SLC25A43: variants seen among roughly 807,000 people sequenced by gnomAD.
SLC25A43 encodes solute carrier family 25, member 43.
A neutral mutation model predicts 22.8 loss-of-function variants in SLC25A43; 10 were observed. The ratio of observed to expected loss-of-function variants is 0.44; its 90% CI spans 0.27 to 0.74. The LOEUF (loss-of-function observed/expected upper bound fraction) is 0.74. SLC25A43 is among the 30% of genes least tolerant of loss of function. SLC25A43 has a pLI of 0.17. For synonymous variants in SLC25A43, 106 were observed against 121.6 expected, an observed-to-expected ratio of 0.87 and a Z score of 0.84; for missense variants, 233 against 279.1, an observed-to-expected ratio of 0.83 and a Z score of 1.18.
chrX:119,423,977 G>A (rs1412159731), intron 3 of SLC25A43: 5 of 110,393 alleles, frequency 4.5e-5, no homozygotes, highest in African/African-American at 1.6e-4. Flanking sequence ...CACTTTCGGA[G>A]GCCGAGGCAG....
At chrX:119,425,042 G>A (rs5910576) in intron 3 of SLC25A43, among the ~76,000 whole-genome samples, 21,836 of 102,310 alleles carry the variant, frequency 0.21, 1,629 homozygotes, top group African/African-American at 0.26. Context: ...GCCAGGGAAT[G>A]GTTAACTCAA....
chrX:119,446,173 A>G (rs1192590840), intron 3 of SLC25A43, among the ~76,000 whole-genome samples: 2 of 108,087 alleles, frequency 1.9e-5, no homozygotes, highest in Admixed American at 1.0e-4. Context: ...AAAAAAAAAA[A>G]AAAAAGAAAG....
At chrX:119,420,704 G>C (rs1398550930) in intron 3 of SLC25A43, among the ~76,000 whole-genome samples, 5 of 112,153 alleles carry the variant, frequency 4.5e-5, no homozygotes. Context: ...TTGTTGCACA[G>C]AGGCCCTTTA....
chrX:119,406,705 A>G lies in SLC25A43; in HGVS notation c.517+4A>G. ...GGGGTTTCCCTCACTGTTGTAGGTAAGATGGACCTTTTCACCTTGTCCAAG... is the reference window on the plus strand; with the variant it reads ...GGGGTTTCCCTCACTGTTGTAGGTAGGATGGACCTTTTCACCTTGTCCAAG... On this transcript the variant is annotated splice_donor_region_variant and intron_variant, in intron 2 of 4. Transcript: ENST00000217909. 1.7e-6 allele frequency: 2 copies of G among 1,208,529 alleles called. No homozygotes were observed. Among genetic ancestry groups the G allele is most frequent in the Non-Finnish European group, 2.2e-6 (2 of 893,423 alleles).
At chrX:119,431,552 AAAG>A (rs2052552492) in intron 3 of SLC25A43, among the ~76,000 whole-genome samples, 1 of 111,666 alleles carries the variant, frequency 9.0e-6, no homozygotes, top group Non-Finnish European at 1.9e-5. Context: ...AGAGGAAAAA[AAAG>A]AAAGAAAGAA....
At chrX:119,416,994 G>A (rs181571201) in intron 3 of SLC25A43, among the ~76,000 whole-genome samples, 1 of 111,788 alleles carries the variant, frequency 8.9e-6, no homozygotes, top group Non-Finnish European at 1.9e-5. Flanking sequence ...TCACTGCCAG[G>A]GGCATCTCTC....
chrX:119,426,384 C>T (rs761292505), intron 3 of SLC25A43: 5 of 263,617 alleles, frequency 1.9e-5, no homozygotes, highest in African/African-American at 3.0e-5. Context: ...CATCTACTTG[C>T]AGCAAAGACT....
At chrX:119,426,293 C>T (rs966486873) in intron 3 of SLC25A43, 56 of 721,767 alleles carry the variant, frequency 7.8e-5, no homozygotes, top group Non-Finnish European at 7.7e-5. Flanking sequence ...CACTTACTCC[C>T]GCGTGAACTT....
At chrX:119,417,599 T>C (rs1466952657) in intron 3 of SLC25A43, among the ~76,000 whole-genome samples, 1 of 110,705 alleles carries the variant, frequency 9.0e-6, no homozygotes, top group African/African-American at 3.3e-5. Flanking sequence ...CTACACCATC[T>C]GCATTCTATA....
chrX:119,406,713 C>A lies in SLC25A43; in HGVS notation c.517+12C>A, dbSNP rs1054717254. 4.2e-6 allele frequency: 5 copies of A among 1,204,652 alleles called. No individual in the cohort carries two copies. In the African/African-American group the frequency reaches 8.7e-5, roughly 21 times the overall value. On this transcript the variant is annotated intron_variant, in intron 2 of 4. Transcript: ENST00000217909. ...CCTCACTGTTGTAGGTAAGATGGAC[C>A]TTTTCACCTTGTCCAAGAAAAGGCT... is the stretch of plus-strand genomic sequence containing the variant.
chrX:119,452,248 T>C, intron 4 of SLC25A43, 105 bp downstream of exon 4: 1 of 925,639 alleles, frequency 1.1e-6, no homozygotes, highest in African/African-American at 2.0e-5. Flanking sequence ...AAACCCCCTC[T>C]AGCACTAATG....
In SLC25A43 at chrX:119,442,738, G is replaced by A. The variant is rs372411522; in HGVS notation, c.691-9271G>A. Reference sequence around the variant, plus strand: ...AACCATCTACAATGTCTTGTGAAGAGAGAAATGAAATGAATTTTGATATTT... The same window carrying A: ...AACCATCTACAATGTCTTGTGAAGAAAGAAATGAAATGAATTTTGATATTT... On this transcript the variant is annotated intron_variant, in intron 3 of 4. Coordinates refer to ENST00000217909, the MANE Select transcript of SLC25A43 (RefSeq NM_145305.3). Among the ~76,000 whole-genome samples the A allele has an allele frequency of 3.6e-5, 4 of 112,487 alleles. No individual in the cohort carries two copies. In the South Asian group the frequency reaches 1.1e-3, roughly 31 times the overall value.
At chrX:119,399,714 GGAC>G in intron 1 of SLC25A43, 36 bp downstream of exon 1, 1 of 988,936 alleles carries the variant, frequency 1.0e-6, no homozygotes, top group Non-Finnish European at 1.3e-6. Context: ...CCGGGAGACC[GGAC>G]GGGGGTGGGG....
chrX:119,399,423 A>G lies in SLC25A43; in HGVS notation c.20A>G (p.Asp7Gly), dbSNP rs1335004527. ...GGCTCGATGGCTACGTGGAGGCGGG[A>G]CGGCCGACTGACAGGCGGCCAAAGG... MATWRR[D>G]GRLTGGQRLL... Residue 7 changes from aspartate (D) to glycine (G), a missense_variant, in exon 1 of 5, where the codon GAC becomes GGC. By Grantham distance (94) the Asp-to-Gly change is moderately conservative (BLOSUM62 -1). Transcript: ENST00000217909. 1 of 1,021,084 alleles carries G rather than the reference A, an allele frequency of 9.8e-7. No individual in the cohort carries two copies. Among genetic ancestry groups the G allele is most frequent in the South Asian group, 2.9e-5 (1 of 34,466 alleles). 84.1% of individuals were successfully genotyped at this position (1,021,084 alleles called of 1,213,427 possible).
At chrX:119,446,388 C>T (rs983408340) in intron 3 of SLC25A43, among the ~76,000 whole-genome samples, 1 of 111,439 alleles carries the variant, frequency 9.0e-6, no homozygotes, top group African/African-American at 3.3e-5. Flanking sequence ...AAAATGTGTT[C>T]ATTACCTGCT....
chrX:119,434,830 A>AAAT (rs1355073310), intron 3 of SLC25A43: 1 of 107,024 alleles, frequency 9.3e-6, no homozygotes, highest in Non-Finnish European at 1.9e-5. Flanking sequence ...TGTTAAAAAA[A>AAAT]AAAAAAAATT....
chrX:119,421,186 G>A (rs752198977), intron 3 of SLC25A43, among the ~76,000 whole-genome samples: 15 of 107,033 alleles, frequency 1.4e-4, no homozygotes, highest in South Asian at 4.1e-4. Context: ...AAAGCATTCT[G>A]GAGAGCTAAA....
intron 3 of SLC25A43, among the ~76,000 whole-genome samples, chrX:119,430,634 G>C (rs926623653): frequency 8.9e-6 from 1 of 112,257 alleles, no homozygotes; most frequent in Admixed American, 9.5e-5. Flanking sequence ...AGAATCAGCT[G>C]GGGAGCTTGT....
At chrX:119,409,677 G>A in intron 2 of SLC25A43, among the ~76,000 whole-genome samples, 1 of 110,731 alleles carries the variant, frequency 9.0e-6, no homozygotes, top group East Asian at 2.8e-4. Context: ...GTGCCGTGGT[G>A]CGATCTCAGC....
Sources: gnomAD v4.1 joint callset for allele counts (sites outside exome capture counted in the v4.1 genomes callset) on GRCh38, gnomAD v4.1.1 for gene constraint, MANE v1.5 for transcripts, NCBI Gene and HGNC (gene_info 2026-07-23, HGNC 2026-07-21) for gene names.